The following COX7B2 variants were observed in gnomAD, a reference collection of about 807,000 sequenced individuals.
COX7B2 encodes cytochrome c oxidase subunit 7B2, mitochondrial.
For missense variants in COX7B2, 109 were observed against 95.9 expected (o/e 1.14, Z -0.57); for synonymous variants, 37 against 32.1 (o/e 1.15, Z -0.51).
intron 2 of COX7B2, among the ~76,000 whole-genome samples, chr4:46,758,071 T>C (rs59850150): frequency 0.33 from 49,455 of 151,156 alleles, 8,420 homozygotes; most frequent in South Asian, 0.47. Flanking sequence ...GGTAATTTCA[T>C]TCTATAAGTA....
chr4:46,848,378 C>T (rs940326889), intron 1 of COX7B2, among the ~76,000 whole-genome samples: 1 of 151,946 alleles, frequency 6.6e-6, no homozygotes, highest in African/African-American at 2.4e-5. Context: ...ATTTATTATG[C>T]GAAAGGCCCT....
intron 2 of COX7B2, among the ~76,000 whole-genome samples, chr4:46,844,410 C>T (rs1716130470): frequency 6.6e-6 from 1 of 151,838 alleles, no homozygotes; most frequent in South Asian, 2.1e-4. Flanking sequence ...ACCATACTGA[C>T]CAAGTCAACC....
chr4:46,872,896 A>T (rs567473180), intron 1 of COX7B2, among the ~76,000 whole-genome samples: 1 of 152,202 alleles, frequency 6.6e-6, no homozygotes, highest in South Asian at 2.1e-4. Flanking sequence ...ATAGGTATAC[A>T]TGCGCCATGG....
chr4:46,891,750 G>A (rs970884664), intron 1 of COX7B2, among the ~76,000 whole-genome samples: 6 of 152,054 alleles, frequency 3.9e-5, no homozygotes, highest in South Asian at 4.2e-4. Flanking sequence ...AGGCAATAAC[G>A]GAAGATTCAG....
chr4:46,891,010 G>A (rs868701226), intron 1 of COX7B2, among the ~76,000 whole-genome samples: 1 of 152,186 alleles, frequency 6.6e-6, no homozygotes, highest in South Asian at 2.1e-4. Flanking sequence ...CTTGATGAAA[G>A]TGGTGACAGT....
intron 2 of COX7B2, among the ~76,000 whole-genome samples, chr4:46,813,855 T>C (rs1443113072): frequency 2.0e-5 from 3 of 152,010 alleles, no homozygotes; most frequent in Non-Finnish European, 4.4e-5. Flanking sequence ...GAAAAAAAAC[T>C]AATAATCTGA....
At chr4:46,776,893 G>T (rs1473099732) in intron 2 of COX7B2, among the ~76,000 whole-genome samples, 1 of 152,104 alleles carries the variant, frequency 6.6e-6, no homozygotes, top group Non-Finnish European at 1.5e-5. Context: ...AAAGTTAAAT[G>T]GTACAGGCTG....
chr4:46,750,347 T>C (rs1036097422), intron 2 of COX7B2, among the ~76,000 whole-genome samples: 4 of 152,028 alleles, frequency 2.6e-5, no homozygotes, highest in Admixed American at 6.6e-5. Flanking sequence ...CGAGCTATGA[T>C]CATGCCACTG....
At chr4:46,756,032 G>A (rs752819098) in intron 2 of COX7B2, among the ~76,000 whole-genome samples, 9 of 151,922 alleles carry the variant, frequency 5.9e-5, no homozygotes, top group Non-Finnish European at 5.9e-5. Flanking sequence ...GAACAAAGCT[G>A]GAGGCATCAC....
At position 46,811,747 on chromosome 4, in the gene COX7B2, C is replaced by G. The variant is rs115990037; in HGVS notation, c.-50+33213G>C. Among the ~76,000 whole-genome samples the G allele has an allele frequency of 5.8e-4, 88 of 152,250 alleles. 2 individuals are homozygous for G. The highest frequency in any genetic ancestry group is 1.0e-3 in the Non-Finnish European group (68 of 68,014). ...TCTGAATTGATGTCTGTGCATCAGACAGTGCAGTCACTTCTTCTAAACTTT... is the reference window on the plus strand; with the variant it reads ...TCTGAATTGATGTCTGTGCATCAGAGAGTGCAGTCACTTCTTCTAAACTTT... On this transcript the variant is annotated intron_variant, in intron 2 of 2. Transcript: ENST00000355591.
intron 2 of COX7B2, among the ~76,000 whole-genome samples, chr4:46,834,236 G>T (rs1253594785): frequency 3.3e-5 from 5 of 152,018 alleles, no homozygotes; most frequent in African/African-American, 7.2e-5. Flanking sequence ...AACAAGTTTT[G>T]TCTTCTTCTG....
intron 2 of COX7B2, among the ~76,000 whole-genome samples, chr4:46,749,742 A>G (rs762813838): frequency 7.2e-5 from 11 of 152,198 alleles, no homozygotes; most frequent in Non-Finnish European, 1.6e-4. Flanking sequence ...GAGATGAATG[A>G]TATTCAAGAT....
At chr4:46,887,867 GA>G (rs1168864262) in intron 1 of COX7B2, among the ~76,000 whole-genome samples, 1 of 151,892 alleles carries the variant, frequency 6.6e-6, no homozygotes, top group Non-Finnish European at 1.5e-5. Context: ...CCTCTAAAAT[GA>G]AAAAAAGGTT....
At chr4:46,821,682 T>C (rs1714302574) in intron 2 of COX7B2, among the ~76,000 whole-genome samples, 1 of 152,220 alleles carries the variant, frequency 6.6e-6, no homozygotes. Flanking sequence ...TCTGAAGTGT[T>C]ATTCAAATGT....
intron 1 of COX7B2, among the ~76,000 whole-genome samples, chr4:46,898,674 C>T (rs1719912357): frequency 6.6e-6 from 1 of 152,092 alleles, no homozygotes; most frequent in Non-Finnish European, 1.5e-5. Flanking sequence ...ATCCACTGGC[C>T]TCACCCTCCC....
chr4:46,815,684 G>A (rs534851560), intron 2 of COX7B2, among the ~76,000 whole-genome samples: 41 of 151,882 alleles, frequency 2.7e-4, no homozygotes, highest in Admixed American at 1.3e-3. Flanking sequence ...CTTATTTCTC[G>A]TCCAAGATGA....
chr4:46,747,766 A>T (rs751132998), intron 2 of COX7B2, among the ~76,000 whole-genome samples: 1 of 152,224 alleles, frequency 6.6e-6, no homozygotes, highest in Non-Finnish European at 1.5e-5. Flanking sequence ...TTGATATTAT[A>T]CTTAAGCATC....
At chr4:46,753,771 C>T (rs551737486) in intron 2 of COX7B2, among the ~76,000 whole-genome samples, 136 of 152,028 alleles carry the variant, frequency 8.9e-4, no homozygotes, top group African/African-American at 2.9e-3. Context: ...TCAGAGTGAA[C>T]AGGCAACCTA....
chr4:46,805,213 T>C (rs1407041902), intron 2 of COX7B2, among the ~76,000 whole-genome samples: 1 of 152,176 alleles, frequency 6.6e-6, no homozygotes, highest in Non-Finnish European at 1.5e-5. Context: ...GGCTCTGGCC[T>C]TGGCCAGCCC....
Sources: gnomAD v4.1 joint callset for allele counts (sites outside exome capture counted in the v4.1 genomes callset) on GRCh38, gnomAD v4.1.1 for gene constraint, MANE v1.5 for transcripts, NCBI Gene and HGNC (gene_info 2026-07-23, HGNC 2026-07-21) for gene names.